Variants in AP2A2 observed in about 807,000 individuals in gnomAD.
The protein encoded by AP2A2 is AP-2 complex subunit alpha-2.
A neutral mutation model predicts 104.2 loss-of-function variants in AP2A2; 32 were observed. The ratio of observed to expected loss-of-function variants is 0.31; its 90% CI spans 0.23 to 0.41. The LOEUF is 0.41. Among genes scored for constraint, AP2A2 ranks in the 10% least tolerant of loss-of-function variants. The probability of loss-of-function intolerance (pLI) is 1.00; values close to 1 mark genes in which losing one functional copy is unlikely to be tolerated. For synonymous variants in AP2A2, 539 were observed against 533.3 expected (o/e 1.01, Z -0.15); for missense variants, 912 against 1,261.0 (o/e 0.72, Z 4.19).
At chr11:966,739 CTGGCTGGTGACCAGA>C (rs1173326445) in intron 2 of AP2A2, among the ~76,000 whole-genome samples, 1 of 152,208 alleles carries the variant, frequency 6.6e-6, no homozygotes, top group Non-Finnish European at 1.5e-5. Flanking sequence ...AGCAGTGCCT[CTGGCTGGTGACCAGA>C]TGGCTGGTGG....
At chr11:947,334 G>T (rs1270466586) in intron 1 of AP2A2, among the ~76,000 whole-genome samples, 1 of 152,078 alleles carries the variant, frequency 6.6e-6, no homozygotes, top group African/African-American at 2.4e-5. Context: ...AAAGACAACT[G>T]TACAAAGTAA....
At chr11:973,466 G>A (rs569431154) in intron 4 of AP2A2, among the ~76,000 whole-genome samples, 3 of 152,268 alleles carry the variant, frequency 2.0e-5, no homozygotes, top group African/African-American at 4.8e-5. Flanking sequence ...GCATAACCAC[G>A]AGAAGACAGA....
At chr11:986,095 T>C (rs950841653) in intron 8 of AP2A2, among the ~76,000 whole-genome samples, 5 of 152,232 alleles carry the variant, frequency 3.3e-5, no homozygotes, top group Non-Finnish European at 7.3e-5. Flanking sequence ...GCACCACATG[T>C]GGTCTGGCGT....
intron 2 of AP2A2, among the ~76,000 whole-genome samples, chr11:967,511 G>A (rs568042160): frequency 2.6e-5 from 4 of 151,820 alleles, no homozygotes; most frequent in Admixed American, 2.0e-4. Context: ...ACAGGCGCCC[G>A]CCACCACGCC....
intron 1 of AP2A2, among the ~76,000 whole-genome samples, chr11:939,426 CT>C (rs1853571269): frequency 6.6e-6 from 1 of 151,964 alleles, no homozygotes; most frequent in Non-Finnish European, 1.5e-5. Context: ...TATGGGTGTT[CT>C]TTCCCCCATT....
intron 1 of AP2A2, among the ~76,000 whole-genome samples, chr11:927,168 A>G (rs1327015028): frequency 6.6e-6 from 1 of 151,774 alleles, no homozygotes; most frequent in Non-Finnish European, 1.5e-5. Context: ...AAGTGATCCT[A>G]CCACCTCAGC....
Position 986,853 on chromosome 11 carries a change from T to A in AP2A2, c.1031T>A (p.Leu344Gln). ...TTTCTGCAGCACCGCGAGACCAACC[T>A]GCGCTACCTGGCCCTGGAGAGCATG... ...GQFLQHRETNLRYLALESMCT... is the reference protein window; with the variant it reads ...GQFLQHRETNQRYLALESMCT... Residue 344 changes from leucine to glutamine, a missense_variant, in exon 9 of 22, where the codon CTG (leucine) becomes CAG (glutamine). Around this residue, in one of 7 missense-constraint regions of AP2A2, gnomAD observed 350 missense variants for 487.0 expected, o/e 0.72. Coordinates refer to ENST00000448903, the MANE Select transcript of AP2A2 (RefSeq NM_012305.4). 6.2e-7 allele frequency: 1 copy of A among 1,612,422 alleles called. No individual in the cohort carries two copies. Among genetic ancestry groups the A allele is most frequent in the Non-Finnish European group, 8.5e-7 (1 of 1,179,476 alleles).
chr11:935,785 G>A (rs1351372053), intron 1 of AP2A2, among the ~76,000 whole-genome samples: 1 of 149,870 alleles, frequency 6.7e-6, no homozygotes, highest in South Asian at 2.1e-4. Context: ...TAGTAGAGAC[G>A]GAGTTTCACC....
rs1564799372 is a variant in AP2A2, at chr11:969,219, CCTT to C, written c.137-949_137-947del. 1.9e-3 allele frequency among the ~76,000 whole-genome samples: 214 copies of C among 112,820 alleles called. 42 individuals are homozygous for C. Among genetic ancestry groups the C allele is most frequent in the Middle Eastern group, 5.6e-3 (1 of 180 alleles). The allele number at this position is 112,820 out of a possible 152,430, so 74.0% of individuals were successfully genotyped here. On this transcript the variant is annotated intron_variant, in intron 2 of 21. Coordinates refer to ENST00000448903, the MANE Select transcript of AP2A2 (RefSeq NM_012305.4). ...GAAACTCCTGGCAATGTAGAACAGC[CCTT>C]TTTTTTTTTTTTTTTTTTTTTTTTT...
chr11:976,643 C>G (rs1855049776), intron 4 of AP2A2, among the ~76,000 whole-genome samples: 1 of 149,686 alleles, frequency 6.7e-6, no homozygotes. Flanking sequence ...GCTCCAGGGG[C>G]AAGGGCATGT....
At chr11:977,337 G>T in intron 5 of AP2A2, 113 bp downstream of exon 5, 1 of 1,368,336 alleles carries the variant, frequency 7.3e-7, no homozygotes. Flanking sequence ...CTGTCACAGG[G>T]GCTGCTGTGG....
At chr11:982,949 C>G (rs928239992) in intron 6 of AP2A2, among the ~76,000 whole-genome samples, 1 of 150,856 alleles carries the variant, frequency 6.6e-6, no homozygotes, top group Non-Finnish European at 1.5e-5. Flanking sequence ...CTGCGCCTGG[C>G]TGTGAAACTT....
chr11:971,450 A>G (rs1051150612), intron 3 of AP2A2, among the ~76,000 whole-genome samples: 3 of 152,082 alleles, frequency 2.0e-5, no homozygotes, highest in African/African-American at 4.8e-5. Flanking sequence ...GAGGCTGGGT[A>G]CATCTTTAAC....
Position 1,008,215 on chromosome 11 carries a change from C to T in AP2A2, c.2420+80C>T, listed in dbSNP as rs1667176204. The T allele has an allele frequency of 1.9e-5, 28 of 1,481,712 alleles. No individual in the cohort carries two copies. The East Asian group carries it at 5.6e-4, about 30-fold the overall frequency. 91.8% of individuals were successfully genotyped at this position (1,481,712 alleles called of 1,614,324 possible). Reference sequence around the variant, plus strand: ...TGCCTGGGCTCCATGACTGTGCCTCCGTGTCCTTCCTGAGGGGACCCGGGG... The same window carrying T: ...TGCCTGGGCTCCATGACTGTGCCTCTGTGTCCTTCCTGAGGGGACCCGGGG... On this transcript the variant is annotated intron_variant, in intron 18 of 21. Transcript: ENST00000448903.
At chr11:946,155 C>T (rs1283452717) in intron 1 of AP2A2, among the ~76,000 whole-genome samples, 2 of 152,200 alleles carry the variant, frequency 1.3e-5, no homozygotes, top group East Asian at 1.9e-4. Context: ...TTGCGACACT[C>T]TGAGGAGCTT....
At chr11:986,005 C>G (rs556864645) in intron 8 of AP2A2, among the ~76,000 whole-genome samples, 1 of 152,236 alleles carries the variant, frequency 6.6e-6, no homozygotes, top group Non-Finnish European at 1.5e-5. Flanking sequence ...AGCGCAGAGG[C>G]GCAGGGTGGC....
intron 2 of AP2A2, among the ~76,000 whole-genome samples, chr11:965,672 G>A (rs1265513473): frequency 2.6e-5 from 4 of 152,202 alleles, no homozygotes; most frequent in Admixed American, 1.3e-4. Flanking sequence ...GTGTCTTGAC[G>A]GTGGCCCCGG....
chr11:999,277 C>T (rs536243162), intron 14 of AP2A2, among the ~76,000 whole-genome samples: 113 of 152,220 alleles, frequency 7.4e-4, no homozygotes, highest in South Asian at 1.5e-3. Flanking sequence ...CATGGGAGGC[C>T]GAGGTGAACG....
chr11:984,342 C>G (rs973131412), intron 6 of AP2A2, among the ~76,000 whole-genome samples: 2 of 152,106 alleles, frequency 1.3e-5, no homozygotes, highest in African/African-American at 2.4e-5. Context: ...AAAGCTCTCT[C>G]TCTGATTTCA....
Sources: gnomAD v4.1 joint callset for allele counts (sites outside exome capture counted in the v4.1 genomes callset) on GRCh38, gnomAD v4.1.1 for gene constraint, gnomAD v4.1.1 regional missense constraint, MANE v1.5 for transcripts, NCBI Gene and HGNC (gene_info 2026-07-23, HGNC 2026-07-21) for gene names.